ASIC3: variants seen among roughly 807,000 people sequenced by gnomAD.
ASIC3 encodes acid-sensing ion channel 3.
In ASIC3, 46 loss-of-function variants were observed where a neutral mutation model predicts 58.6. The ratio of observed to expected loss-of-function variants is 0.79; its 90% CI spans 0.62 to 1.00. ASIC3 has a LOEUF of 1.00. ASIC3 is among the 50% of genes least tolerant of loss of function. The pLI, the probability that ASIC3 is intolerant of heterozygous loss-of-function variation, is 0.00. For synonymous variants in ASIC3, 336 were observed against 300.2 expected, an observed-to-expected ratio of 1.12 and a Z score of -1.23; for missense variants, 770 against 735.0, an observed-to-expected ratio of 1.05 and a Z score of -0.55.
rs62001892 is a variant in ASIC3, at chr7:151,049,102, C to T, written c.217C>T (p.Gln73Ter). The T allele has an allele frequency of 1.9e-6, 3 of 1,613,906 alleles. No individual in the cohort carries two copies. Residue 73 changes from glutamine (Q) to a stop codon, truncating the protein, a stop_gained, in exon 1 of 11, where the codon CAG becomes TAG. Coordinates refer to ENST00000349064, the MANE Select transcript of ASIC3 (RefSeq NM_004769.4). LOFTEE classifies it high-confidence loss of function. ...RVRYYREFHH[Q>*]TALDERESHR... ...GCGCTACTACAGGGAGTTCCACCAC[C>T]AGACTGCCCTGGATGAGCGAGAAAG...
In ASIC3 at chr7:151,051,862, G is replaced by A. The variant is rs150496362; in HGVS notation, c.1267G>A (p.Val423Met). 1.9e-5 allele frequency: 31 copies of A among 1,613,584 alleles called. No homozygotes were observed. The highest frequency in any genetic ancestry group is 4.0e-5 in the African/African-American group (3 of 74,876). The stretch of plus-strand genomic sequence containing the variant: ...CTTTGAGGCCCTCAACTATGAGACC[G>A]TGGAGCAGAAGAAGGCCTATGAGAT... Reference protein sequence around the residue: ...IFFEALNYETVEQKKAYEMSE... With the variant: ...IFFEALNYETMEQKKAYEMSE... Residue 423 changes from valine (V) to methionine (M), a missense_variant, in exon 7 of 11, where the codon GTG (valine) becomes ATG (methionine). Val to Met is a conservative substitution (Grantham distance 21, BLOSUM62 1). Coordinates refer to ENST00000349064, the MANE Select transcript of ASIC3 (RefSeq NM_004769.4).
Position 151,048,822 on chromosome 7 carries a change from C to T in ASIC3, c.-64C>T, listed in dbSNP as rs762171676. On this transcript the variant is annotated 5_prime_UTR_variant, in exon 1 of 11. Transcript: ENST00000349064. ...AATCCTATCTTAGCCTCCTTAGCCC[C>T]CTGACTGACTCTCTCTCGCTTCTTC... 2.3e-5 allele frequency: 35 copies of T among 1,509,102 alleles called. No individual in the cohort carries two copies. Among genetic ancestry groups the T allele is most frequent in the Non-Finnish European group, 3.0e-5 (34 of 1,127,858 alleles). The allele number at this position is 1,509,102 out of a possible 1,614,324, so 93.5% of individuals were successfully genotyped here.
rs1796799272 is a variant in ASIC3 at position 151,052,169 on chromosome 7, T to A, written c.1390T>A (p.Phe464Ile). The A allele has an allele frequency of 1.2e-6, 2 of 1,613,862 alleles. No individual in the cohort carries two copies. Among genetic ancestry groups the A allele is most frequent in the Non-Finnish European group, 1.7e-6 (2 of 1,179,970 alleles). The change falls in exon 9 of 11, where the codon TTC becomes ATC. Residue 464 changes from phenylalanine (F) to isoleucine (I), a missense_variant. Transcript: ENST00000349064. The surrounding 1 kb of genome is among the most constrained non-coding windows in gnomAD (Gnocchi z 5.0). The stretch of plus-strand genomic sequence containing the variant: ...CTCCCATCCTGCTTGCCTCCAGGTG[T>A]TCCGAGACAAGGTCCTGGGATATTT... Reference protein sequence around the residue: ...LEILDYLCEVFRDKVLGYFWN... With the variant: ...LEILDYLCEVIRDKVLGYFWN...
At chr7:151,049,952 C>T (rs1441240138) in intron 1 of ASIC3, 154 bp from the exon 2 acceptor site, 2 of 975,042 alleles carry the variant, frequency 2.1e-6, no homozygotes, top group South Asian at 1.5e-5. Context: ...GAGCGTCCTG[C>T]AACATGTGCC....
intron 3 of ASIC3, 39 bp from the exon 4 acceptor site, chr7:151,050,719 C>T (rs532748577): frequency 1.1e-5 from 17 of 1,607,198 alleles, no homozygotes; most frequent in South Asian, 8.8e-5. Context: ...TGGCCTCTCA[C>T]GCTCTCCGGG....
In ASIC3 at chr7:151,051,804, C is replaced by A. The variant is rs1232634090; in HGVS notation, c.1215-6C>A. 1 of 1,612,826 alleles carries A rather than the reference C, an allele frequency of 6.2e-7. No homozygotes were observed. The highest frequency in any genetic ancestry group is 1.1e-5 in the South Asian group (1 of 91,054). ...AGCCCACATTTGAGGCCATTCTTGT[C>A]CTCAGGGAGAACGTGCTGGCCCTGG... On this transcript the variant is annotated splice_polypyrimidine_tract_variant and splice_region_variant and intron_variant, in intron 6 of 10. Transcript: ENST00000349064.
At position 151,048,555 on chromosome 7, in the gene ASIC3, C is replaced by G. The variant is rs1004306896; in HGVS notation, c.-331C>G. 8.9e-6 allele frequency: 3 copies of G among 337,496 alleles called. No homozygotes were observed. Among genetic ancestry groups the G allele is most frequent in the South Asian group, 2.1e-4 (2 of 9,428 alleles). 20.9% of individuals were successfully genotyped at this position (337,496 alleles called of 1,614,324 possible). On this transcript the variant is annotated 5_prime_UTR_variant, in exon 1 of 11. Coordinates refer to ENST00000349064, the MANE Select transcript of ASIC3 (RefSeq NM_004769.4). ...CCTCTGCAGCAGCGCCGGCTCAGCACCGCCGGCTCAGCACCGCTCCGCAGC... is the reference window on the plus strand; with the variant it reads ...CCTCTGCAGCAGCGCCGGCTCAGCAGCGCCGGCTCAGCACCGCTCCGCAGC...
rs767906753 is a variant in ASIC3, at chr7:151,049,294, G to A, written c.409G>A (p.Gly137Ser). 4.7e-5 allele frequency: 75 copies of A among 1,612,824 alleles called. 1 individual carries two copies. The highest frequency in any genetic ancestry group is 1.6e-4 in the Middle Eastern group (1 of 6,062). ...RALGRPPAPP[G>S]FMPSPTFDMA... The stretch of plus-strand genomic sequence containing the variant: ...CCTGGGCCGGCCCCCTGCACCGCCC[G>A]GCTTCATGCCCAGTCCCACCTTTGA... Residue 137 changes from glycine to serine, a missense_variant, in exon 1 of 11, where the codon GGC (glycine) becomes AGC (serine). By Grantham distance (56) the Gly-to-Ser change is moderately conservative. Transcript: ENST00000349064.
Position 151,052,636 on chromosome 7 carries a change from T to G in ASIC3, c.1580T>G (p.Leu527Arg), listed in dbSNP as rs759146789. 68 of 1,613,786 alleles carry G rather than the reference T, an allele frequency of 4.2e-5. No individual in the cohort carries two copies. The highest frequency in any genetic ancestry group is 5.7e-5 in the Non-Finnish European group (67 of 1,179,946). The change falls in exon 11 of 11, where the codon CTT becomes CGT. Residue 527 changes from leucine (L) to arginine (R), a missense_variant. By Grantham distance (102) the Leu-to-Arg change is moderately radical (BLOSUM62 -2). Transcript: ENST00000349064. This position sits in a 1 kb window ranked among gnomAD's most constrained non-coding sequence, Gnocchi z 5.0. ...TLSASHRTCY[L>R]VTQL ...TCCGCCTCCCACCGCACCTGCTACC[T>G]TGTCACACAGCTCTAGACCTGCTGT...
Position 151,049,214 on chromosome 7 carries a change from C to G in ASIC3, c.329C>G (p.Ala110Gly). The G allele has an allele frequency of 1.2e-6, 2 of 1,612,734 alleles. No homozygotes were observed. The highest frequency in any genetic ancestry group is 1.7e-6 in the Non-Finnish European group (2 of 1,179,406). ...CTAACGCCCAACGACCTGCACTGGGCTGGGTCTGCGCTGCTGGGCCTGGAT... is the reference window on the plus strand; with the variant it reads ...CTAACGCCCAACGACCTGCACTGGGGTGGGTCTGCGCTGCTGGGCCTGGAT... The part of the protein sequence containing the change: ...SRLTPNDLHW[A>G]GSALLGLDPA... Residue 110 changes from alanine (A) to glycine (G), a missense_variant, in exon 1 of 11, where the codon GCT becomes GGT. Coordinates refer to ENST00000349064, the MANE Select transcript of ASIC3 (RefSeq NM_004769.4).
rs1197926183 is a variant in ASIC3, at chr7:151,050,833, G to A, written c.889G>A (p.Asp297Asn). ...LNPNYEPEPS[D>N]PLGSPSPSPS... ...CCCCAACTATGAGCCAGAGCCCTCTGATCCCCTAGGCTCCCCCAGCCCCAG... is the reference window on the plus strand; with the variant it reads ...CCCCAACTATGAGCCAGAGCCCTCTAATCCCCTAGGCTCCCCCAGCCCCAG... The change falls in exon 4 of 11, where the codon GAT becomes AAT. Residue 297 changes from aspartate to asparagine, a missense_variant. Physicochemically the swap from Asp to Asn is conservative, Grantham distance 23 (BLOSUM62 1). Coordinates refer to ENST00000349064, the MANE Select transcript of ASIC3 (RefSeq NM_004769.4). 2.5e-6 allele frequency: 4 copies of A among 1,613,472 alleles called. 1 individual carries two copies. In the South Asian group the frequency reaches 4.4e-5, roughly 18 times the overall value.
rs368295863 is a variant in ASIC3 at position 151,052,711 on chromosome 7, C to T, written c.*59C>T. ...ACATCCTGGACATGCCTAGCCTGCA[C>T]GTAGCTTTTCCGTCTTCACCCCAAA... On this transcript the variant is annotated 3_prime_UTR_variant, in exon 11 of 11. Coordinates refer to ENST00000349064, the MANE Select transcript of ASIC3 (RefSeq NM_004769.4). The surrounding 1 kb of genome is among the most constrained non-coding windows in gnomAD (Gnocchi z 5.0). The T allele has an allele frequency of 2.5e-5, 40 of 1,613,962 alleles. No individual in the cohort carries two copies. Among genetic ancestry groups the T allele is most frequent in the African/African-American group, 1.9e-4 (14 of 74,922 alleles).
rs199876394 is a variant in ASIC3, at chr7:151,049,254, C to T, written c.369C>T (p.Ala123=). The change falls in exon 1 of 11, where the codon GCC becomes GCT. Residue 123 remains alanine, a synonymous_variant. Transcript: ENST00000349064. Reference sequence around the variant, plus strand: ...TGGGCCTGGATCCCGCAGAGCACGCCGCCTTCCTGCGCGCCCTGGGCCGGC... The same window carrying T: ...TGGGCCTGGATCCCGCAGAGCACGCTGCCTTCCTGCGCGCCCTGGGCCGGC... The part of the protein sequence containing the change: ...ALLGLDPAEH[A]AFLRALGRPP... 5.0e-5 allele frequency: 80 copies of T among 1,611,894 alleles called. No individual in the cohort carries two copies. The highest frequency in any genetic ancestry group is 4.5e-4 in the South Asian group (41 of 91,004).
Position 151,052,204 on chromosome 7 carries a change from A to G in ASIC3, c.1425A>G (p.Arg475=). The G allele has an allele frequency of 6.2e-7, 1 of 1,613,996 alleles. No individual in the cohort carries two copies. ...RDKVLGYFWN[R]QHSQRHSSTN... ...AGGTCCTGGGATATTTCTGGAACCG[A>G]CAGCACTCCCAAAGGCACTCCAGCA... Residue 475 remains arginine (R), a synonymous_variant, in exon 9 of 11, where the codon CGA becomes CGG. Transcript: ENST00000349064. This position sits in a 1 kb window ranked among gnomAD's most constrained non-coding sequence, Gnocchi z 5.0.
chr7:151,048,352 CTG>C (rs1432575305), upstream of ASIC3: 1 of 154,920 alleles, frequency 6.5e-6, no homozygotes. Flanking sequence ...CAATCTACCT[CTG>C]GGCTTTTCTC....
rs752199449 is a variant in ASIC3 at position 151,049,422 on chromosome 7, G to A, written c.534+3G>A. On this transcript the variant is annotated splice_donor_region_variant and intron_variant, in intron 1 of 10. Transcript: ENST00000349064. ...GTGGGCCTGAGAACTTCACCACGGT[G>A]AGCTGACCTCCCTACCTATCCTGCC... 13 of 1,574,298 alleles carry A rather than the reference G, an allele frequency of 8.3e-6. No individual in the cohort carries two copies. The Admixed American group carries it at 1.7e-4, about 21-fold the overall frequency.
rs1363829795 is a variant in ASIC3, at chr7:151,051,839, T to C, written c.1244T>C (p.Phe415Ser). ...AACGTGCTGGCCCTGGACATCTTCT[T>C]TGAGGCCCTCAACTATGAGACCGTG... ...AENVLALDIF[F>S]EALNYETVEQ... is the part of the protein sequence containing the mutation. Residue 415 changes from phenylalanine (F) to serine (S), a missense_variant, in exon 7 of 11, where the codon TTT (phenylalanine) becomes TCT (serine). Physicochemically the swap from Phe to Ser is radical, Grantham distance 155 (BLOSUM62 -2). Transcript: ENST00000349064. 43 of 1,613,462 alleles carry C rather than the reference T, an allele frequency of 2.7e-5. No individual in the cohort carries two copies. Among genetic ancestry groups the C allele is most frequent in the Non-Finnish European group, 3.1e-5 (36 of 1,179,914 alleles).
rs1244328915 is a variant in ASIC3, at chr7:151,051,178, T to C, written c.1073T>C (p.Met358Thr). Residue 358 changes from methionine to threonine, a missense_variant, in exon 6 of 11, where the codon ATG (methionine) becomes ACG (threonine). By Grantham distance (81) the Met-to-Thr change is moderately conservative. Coordinates refer to ENST00000349064, the MANE Select transcript of ASIC3 (RefSeq NM_004769.4). ...GCGGCCCGGTGGCCCGCAGATGCCA[T>C]GCTTCGCAAGGACTCGTGCGCCTGC... is the stretch of plus-strand genomic sequence containing the variant. Reference protein sequence around the residue: ...KNCAHPAIDAMLRKDSCACPN... With the variant: ...KNCAHPAIDATLRKDSCACPN... 1.3e-6 allele frequency: 2 copies of C among 1,594,384 alleles called. No homozygotes were observed. Among genetic ancestry groups the C allele is most frequent in the Admixed American group, 1.7e-5 (1 of 58,398 alleles).
chr7:151,049,587 G>A (rs1215759126), intron 1 of ASIC3, among the ~76,000 whole-genome samples, 168 bp downstream of exon 1: 1 of 152,212 alleles, frequency 6.6e-6, no homozygotes, highest in Non-Finnish European at 1.5e-5. Context: ...TGCAGCCCAG[G>A]AAGCTGTCCT....
Sources: allele counts gnomAD v4.1 joint callset (sites outside exome capture counted in the v4.1 genomes callset), GRCh38; gene constraint gnomAD v4.1.1; non-coding constraint Gnocchi (gnomAD v3.1); transcripts MANE v1.5; gene names NCBI Gene and HGNC (gene_info 2026-07-23, HGNC 2026-07-21).